The following LMO7 variants were observed in gnomAD, a reference collection of about 807,000 sequenced individuals.
LMO7 encodes LIM domain 7, also known as LIM domain only protein 7.
In LMO7, 120 loss-of-function variants were observed where a neutral mutation model predicts 206.5. That is an observed-to-expected ratio of 0.58 (90% confidence interval 0.50 to 0.68). The LOEUF is 0.68. LMO7 is among the 30% of genes least tolerant of loss of function. The pLI is 0.00. For missense variants in LMO7, 1,959 were observed against 1,957.9 expected, an observed-to-expected ratio of 1.00 and a Z score of -0.01; for synonymous variants, 706 against 681.5, an observed-to-expected ratio of 1.04 and a Z score of -0.56.
intron 3 of LMO7, among the ~76,000 whole-genome samples, chr13:75,750,520 G>A (rs952042728): frequency 3.3e-5 from 5 of 151,642 alleles, no homozygotes; most frequent in Admixed American, 6.6e-5. Flanking sequence ...CTCCCAAGTA[G>A]CTAGGACTAC....
intron 2 of LMO7, among the ~76,000 whole-genome samples, chr13:75,629,623 C>T (rs541789678): frequency 6.8e-4 from 104 of 152,272 alleles, no homozygotes; most frequent in African/African-American, 2.3e-3. Flanking sequence ...AAGGACACCA[C>T]TTAATGTGCT....
chr13:75,637,192 AG>A (rs2036004176), intron 1 of LMO7, among the ~76,000 whole-genome samples: 1 of 55,626 alleles, frequency 1.8e-5, no homozygotes, highest in African/African-American at 7.2e-5. Flanking sequence ...GGAGCGGAAA[AG>A]AAGGGTGGGT....
intron 4 of LMO7, among the ~76,000 whole-genome samples, chr13:75,791,699 A>C (rs2140629959): frequency 6.6e-6 from 1 of 152,280 alleles, no homozygotes; most frequent in East Asian, 1.9e-4. Context: ...AGCACGGATG[A>C]GAGATTGGGT....
chr13:75,788,642 C>A (rs1189421156), intron 4 of LMO7, among the ~76,000 whole-genome samples: 1 of 152,016 alleles, frequency 6.6e-6, no homozygotes, highest in Non-Finnish European at 1.5e-5. Flanking sequence ...TTCACGGCCT[C>A]ATTTCTTGAT....
chr13:75,822,088 T>C (rs1465064792), intron 14 of LMO7, among the ~76,000 whole-genome samples: 1 of 152,200 alleles, frequency 6.6e-6, no homozygotes, highest in Non-Finnish European at 1.5e-5. Flanking sequence ...CTTACGTTTA[T>C]ATATATGTGT....
intron 1 of LMO7, among the ~76,000 whole-genome samples, chr13:75,668,589 G>A (rs2039275034): frequency 6.6e-6 from 1 of 152,152 alleles, no homozygotes; most frequent in Admixed American, 6.5e-5. Flanking sequence ...ATTTAGTGCA[G>A]TTCCTTCTTC....
intron 1 of LMO7, among the ~76,000 whole-genome samples, chr13:75,649,492 C>G (rs1256152263): frequency 6.6e-6 from 1 of 152,070 alleles, no homozygotes; most frequent in Non-Finnish European, 1.5e-5. Context: ...GGGAGTAAGA[C>G]CATTAAACTT....
At chr13:75,678,286 T>C (rs1290840704) in intron 1 of LMO7, among the ~76,000 whole-genome samples, 2 of 152,204 alleles carry the variant, frequency 1.3e-5, no homozygotes, top group African/African-American at 4.8e-5. Context: ...TATTTCTCCA[T>C]ATCCTCTCCA....
chr13:75,834,090 A>G, intron 16 of LMO7, 136 bp from the exon 17 acceptor site: 1 of 621,408 alleles, frequency 1.6e-6, no homozygotes, highest in Non-Finnish European at 2.7e-6. Context: ...GTATTAAAAA[A>G]AATAGTGACC....
chr13:75,792,128 C>T (rs1388211163), intron 4 of LMO7, among the ~76,000 whole-genome samples: 1 of 152,050 alleles, frequency 6.6e-6, no homozygotes, highest in African/African-American at 2.4e-5. Flanking sequence ...GCTACTGTGC[C>T]TAGCTAATTT....
At position 75,720,131 on chromosome 13, in the gene LMO7, G is replaced by A. The variant is rs144962925; in HGVS notation, c.140+6879G>A. The stretch of plus-strand genomic sequence containing the variant: ...TCATGTCCTTATTTGTCATCTGTGT[G>A]TCTTCCTTAGTGAGGTGTCTGTTAA... On this transcript the variant is annotated intron_variant, in intron 2 of 30. Coordinates refer to ENST00000377534, the MANE Select transcript of LMO7 (RefSeq NM_001306080.2). 1.2e-3 allele frequency among the ~76,000 whole-genome samples: 185 copies of A among 152,266 alleles called. 1 individual carries two copies. The highest frequency in any genetic ancestry group is 4.4e-3 in the African/African-American group (182 of 41,564).
intron 4 of LMO7, among the ~76,000 whole-genome samples, chr13:75,784,630 AAAC>A (rs1398694194): frequency 6.6e-6 from 1 of 152,208 alleles, no homozygotes; most frequent in Non-Finnish European, 1.5e-5. Context: ...GATAACTTAT[AAAC>A]AACAATTTAC....
intron 15 of LMO7, among the ~76,000 whole-genome samples, chr13:75,827,701 T>C (rs76613402): frequency 0.012 from 1,812 of 152,284 alleles, 22 homozygotes; most frequent in Middle Eastern, 0.051. Context: ...TTCCCCAAAA[T>C]TGGTCTTGCC....
chr13:75,781,096 C>CTTTTTTTTTTTTTTTTTTTTTTTTTCTT (rs367937964), intron 4 of LMO7, among the ~76,000 whole-genome samples: 1 of 41,922 alleles, frequency 2.4e-5, no homozygotes, highest in Non-Finnish European at 4.1e-5. Flanking sequence ...CTCTATTTTC[C>CTTTTTTTTTTTTTTTTTTTTTTTTTCTT]TTTTTTTTTT....
At chr13:75,700,730 A>G (rs1184649160) in intron 1 of LMO7, among the ~76,000 whole-genome samples, 1 of 152,248 alleles carries the variant, frequency 6.6e-6, no homozygotes, top group African/African-American at 2.4e-5. Flanking sequence ...ACTCATGGGC[A>G]GGGAGCACAT....
chr13:75,841,335 A>G (rs1403965867), intron 23 of LMO7, 134 bp downstream of exon 23: 8 of 645,090 alleles, frequency 1.2e-5, no homozygotes, highest in South Asian at 2.2e-5. Context: ...GAAAAATACA[A>G]TGAGCTCTGA....
intron 1 of LMO7, among the ~76,000 whole-genome samples, chr13:75,680,711 C>G (rs1594240269): frequency 6.6e-6 from 1 of 151,952 alleles, no homozygotes; most frequent in East Asian, 1.9e-4. Context: ...CTAATGCTAT[C>G]CCTCCCCTAT....
At chr13:75,670,036 T>TTA (rs1484303168) in intron 1 of LMO7, among the ~76,000 whole-genome samples, 1 of 152,184 alleles carries the variant, frequency 6.6e-6, no homozygotes. Flanking sequence ...CACTTGCCTT[T>TTA]TATAGGCCCT....
In LMO7 at chr13:75,666,267, C is replaced by T. The variant is rs147114861; in HGVS notation, c.69+29541C>T. Among the ~76,000 whole-genome samples, 316 of 152,306 alleles carry T rather than the reference C, an allele frequency of 2.1e-3. 2 individuals are homozygous for T. Among genetic ancestry groups the T allele is most frequent in the African/African-American group, 6.6e-3 (273 of 41,562 alleles). On this transcript the variant is annotated intron_variant, in intron 1 of 30. Coordinates refer to ENST00000377534, the MANE Select transcript of LMO7 (RefSeq NM_001306080.2). ...GAATTATTTACAGCCTACTGTTCAA[C>T]GCATCAGTTGTGATTTTTCACAAAA...
Sources: gnomAD v4.1 joint callset for allele counts (sites outside exome capture counted in the v4.1 genomes callset) on GRCh38, gnomAD v4.1.1 for gene constraint, MANE v1.5 for transcripts, NCBI Gene and HGNC (gene_info 2026-07-23, HGNC 2026-07-21) for gene names.